Variants in BCKDHB observed in about 807,000 individuals in gnomAD.
BCKDHB encodes branched chain keto acid dehydrogenase E1 subunit beta.
In BCKDHB, 41 loss-of-function variants were observed where a neutral mutation model predicts 48.5. That is an observed-to-expected ratio of 0.85 (90% CI 0.66 to 1.10). The LOEUF (loss-of-function observed/expected upper bound fraction) is 1.10. Ranked by LOEUF, BCKDHB falls within the 50% of genes least tolerant of loss-of-function variation. The pLI is 0.00. For synonymous variants in BCKDHB, 201 were observed against 174.8 expected (o/e 1.15, Z -1.18); for missense variants, 496 against 494.2 (o/e 1.00, Z -0.03).
chr6:80,432,414 C>T, the BCKDHB span, among the ~76,000 whole-genome samples: 1 of 152,078 alleles, frequency 6.6e-6, no homozygotes, highest in African/African-American at 2.4e-5. Flanking sequence ...TGTCTTCTTG[C>T]TTTATTTCAT....
chr6:80,342,249 A>G (rs1297439630), intron 9 of BCKDHB, among the ~76,000 whole-genome samples: 2 of 152,176 alleles, frequency 1.3e-5, no homozygotes, highest in Non-Finnish European at 2.9e-5. Context: ...TGAACATAGT[A>G]TAATATGTAA....
At chr6:80,153,561 G>A (rs1771896068) in intron 3 of BCKDHB, among the ~76,000 whole-genome samples, 1 of 152,134 alleles carries the variant, frequency 6.6e-6, no homozygotes, top group East Asian at 1.9e-4. Flanking sequence ...ATTGTCAGGG[G>A]ATTTTTGGCT....
chr6:80,367,411 A>G, the BCKDHB span, among the ~76,000 whole-genome samples: 1 of 152,170 alleles, frequency 6.6e-6, no homozygotes, highest in Admixed American at 6.6e-5. Context: ...TAGCTCATAC[A>G]TATATATGTA....
chr6:80,291,924 T>A lies in BCKDHB; in HGVS notation c.1038+18703T>A, dbSNP rs182233105. ...ATAATTATTTTTCACATAAGCTGTTTTTAAATTGGCTTTGATGGAACTCTG... is the reference window on the plus strand; with the variant it reads ...ATAATTATTTTTCACATAAGCTGTTATTAAATTGGCTTTGATGGAACTCTG... On this transcript the variant is annotated intron_variant, in intron 9 of 9. Transcript: ENST00000320393. Among the ~76,000 whole-genome samples, 33 of 152,334 alleles carry A rather than the reference T, an allele frequency of 2.2e-4. No homozygotes were observed. The East Asian group carries it at 6.0e-3, about 28-fold the overall frequency.
At chr6:80,208,646 G>A (rs1774780407) in intron 8 of BCKDHB, among the ~76,000 whole-genome samples, 2 of 151,850 alleles carry the variant, frequency 1.3e-5, no homozygotes, top group African/African-American at 4.8e-5. Flanking sequence ...CAAAGAGGAT[G>A]TTATGAATAA....
At chr6:80,287,865 CT>C (rs1397446195) in intron 9 of BCKDHB, among the ~76,000 whole-genome samples, 1 of 152,150 alleles carries the variant, frequency 6.6e-6, no homozygotes, top group Non-Finnish European at 1.5e-5. Context: ...GCCTGGGACC[CT>C]TCCCTTACTT....
chr6:80,387,286 C>T, the BCKDHB span, among the ~76,000 whole-genome samples: 1 of 152,212 alleles, frequency 6.6e-6, no homozygotes, highest in Non-Finnish European at 1.5e-5. Context: ...AGAACCTCCA[C>T]ATTGGCTCCC....
At chr6:80,391,175 A>ATGTGTGTGTGTG in the BCKDHB span, among the ~76,000 whole-genome samples, 234 of 144,094 alleles carry the variant, frequency 1.6e-3, no homozygotes, top group East Asian at 0.012. Flanking sequence ...ATGCATATAT[A>ATGTGTGTGTGTG]TATGTGTGTG....
At chr6:80,388,101 T>C in the BCKDHB span, among the ~76,000 whole-genome samples, 3 of 152,204 alleles carry the variant, frequency 2.0e-5, no homozygotes, top group Admixed American at 2.0e-4. Flanking sequence ...CCTATTTGGA[T>C]TTGGGAGGCA....
At chr6:80,213,679 T>C (rs1775046160) in intron 8 of BCKDHB, among the ~76,000 whole-genome samples, 1 of 151,776 alleles carries the variant, frequency 6.6e-6, no homozygotes, top group Non-Finnish European at 1.5e-5. Context: ...TTTTTTTTTT[T>C]TTAATTTTAA....
At chr6:80,251,530 T>C (rs188784246) in intron 8 of BCKDHB, among the ~76,000 whole-genome samples, 1 of 152,176 alleles carries the variant, frequency 6.6e-6, no homozygotes. Flanking sequence ...GGGGTGTAAA[T>C]CATGTGTCTG....
At chr6:80,234,557 G>A (rs982735619) in intron 8 of BCKDHB, among the ~76,000 whole-genome samples, 4 of 152,124 alleles carry the variant, frequency 2.6e-5, no homozygotes, top group African/African-American at 4.8e-5. Context: ...AGAAGAATGC[G>A]GAGAAAGAGG....
the BCKDHB span, among the ~76,000 whole-genome samples, chr6:80,414,046 A>G: frequency 1.3e-5 from 2 of 152,070 alleles, no homozygotes; most frequent in Non-Finnish European, 1.5e-5. Flanking sequence ...TTCTTTAATA[A>G]TCAGTGATGT....
rs533888180 is a variant in BCKDHB at position 80,193,174 on chromosome 6, G to A, written c.743-7760G>A. Among the ~76,000 whole-genome samples, 4 of 152,132 alleles carry A rather than the reference G, an allele frequency of 2.6e-5. No homozygotes were observed. The South Asian group carries it at 8.3e-4, about 32-fold the overall frequency. On this transcript the variant is annotated intron_variant, in intron 6 of 9. Coordinates refer to ENST00000320393, the MANE Select transcript of BCKDHB (RefSeq NM_183050.4). ...TCCTAATTTATCTCATTATGCAAAAGAACTGGAAATGTGAGACTTACCAGT... is the reference window on the plus strand; with the variant it reads ...TCCTAATTTATCTCATTATGCAAAAAAACTGGAAATGTGAGACTTACCAGT...
At chr6:80,353,670 T>TG in the BCKDHB span, among the ~76,000 whole-genome samples, 1 of 152,054 alleles carries the variant, frequency 6.6e-6, no homozygotes, top group Non-Finnish European at 1.5e-5. Context: ...CTGGCCAACA[T>TG]GGTGAAACCC....
chr6:80,117,582 G>C (rs150500499), intron 1 of BCKDHB, among the ~76,000 whole-genome samples: 1 of 152,228 alleles, frequency 6.6e-6, no homozygotes, highest in Non-Finnish European at 1.5e-5. Flanking sequence ...CTGCAAAGTT[G>C]TGGGTTTACG....
chr6:80,277,693 A>G (rs996920302), intron 9 of BCKDHB, among the ~76,000 whole-genome samples: 3 of 150,440 alleles, frequency 2.0e-5, no homozygotes, highest in African/African-American at 4.9e-5. Context: ...CATGGAAGCA[A>G]TAAGTCTGCA....
chr6:80,463,377 C>T, the BCKDHB span, among the ~76,000 whole-genome samples: 1 of 152,132 alleles, frequency 6.6e-6, no homozygotes, highest in African/African-American at 2.4e-5. Context: ...TTTTCTTTGG[C>T]AATGAAAAGT....
At chr6:80,458,011 C>G in the BCKDHB span, among the ~76,000 whole-genome samples, 5 of 152,140 alleles carry the variant, frequency 3.3e-5, no homozygotes, top group African/African-American at 1.2e-4. Context: ...AACTGTCTTC[C>G]TATATAAGCT....
Sources: allele counts gnomAD v4.1 joint callset (sites outside exome capture counted in the v4.1 genomes callset), GRCh38; gene constraint gnomAD v4.1.1; transcripts MANE v1.5; gene names NCBI Gene and HGNC (gene_info 2026-07-23, HGNC 2026-07-21).